GADL1: variants seen among roughly 807,000 people sequenced by gnomAD.
GADL1 encodes acidic amino acid decarboxylase GADL1.
A neutral mutation model predicts 69.5 loss-of-function variants in GADL1; 71 were observed. The ratio of observed to expected loss-of-function variants is 1.02; its 90% confidence interval spans 0.84 to 1.25. The LOEUF (loss-of-function observed/expected upper bound fraction) is 1.25. Among genes scored for constraint, GADL1 ranks in the 50% most tolerant of loss-of-function variants. The pLI is 0.00. For missense variants in GADL1, 737 were observed against 631.8 expected (o/e 1.17, Z -1.79); for synonymous variants, 254 against 214.4 (o/e 1.18, Z -1.62).
At chr3:30,785,379 T>C (rs1470620922) in intron 13 of GADL1, among the ~76,000 whole-genome samples, 1 of 122,196 alleles carries the variant, frequency 8.2e-6, no homozygotes, top group Non-Finnish European at 1.6e-5. Context: ...TAGATTTCTT[T>C]TTCTTTTTTT....
intron 11 of GADL1, among the ~76,000 whole-genome samples, chr3:30,826,052 G>T (rs1697676371): frequency 6.6e-6 from 1 of 151,870 alleles, no homozygotes; most frequent in East Asian, 1.9e-4. Flanking sequence ...GGCACAGCAT[G>T]CTTATTATGG....
At position 30,778,172 on chromosome 3, in the gene GADL1, TAC is replaced by T. The variant is rs768639197; in HGVS notation, c.1392+5_1392+6del. On this transcript the variant is annotated splice_donor_5th_base_variant and intron_variant, in intron 14 of 14. Coordinates refer to ENST00000282538, the MANE Select transcript of GADL1 (RefSeq NM_207359.3). ...AAAAAGAAAAATACCATTTACTTATTACTTACCAAATTAAGTTTTGCCCAGAA... is the reference window on the plus strand; with the variant it reads ...AAAAAGAAAAATACCATTTACTTATTTTACCAAATTAAGTTTTGCCCAGAA... The T allele has an allele frequency of 2.0e-6, 3 of 1,494,832 alleles. No homozygotes were observed. Among genetic ancestry groups the T allele is most frequent in the Non-Finnish European group, 2.8e-6 (3 of 1,079,348 alleles). The allele number at this position is 1,494,832 out of a possible 1,614,324, so 92.6% of individuals were successfully genotyped here. A position where few individuals can be genotyped will look rare whatever the true frequency, so the allele number is the denominator to read the frequency against.
chr3:30,764,002 A>C (rs1025634969), intron 14 of GADL1, among the ~76,000 whole-genome samples: 1 of 152,174 alleles, frequency 6.6e-6, no homozygotes, highest in Admixed American at 6.5e-5. Context: ...AAATATTTCT[A>C]CTAAACAAAC....
At chr3:30,741,009 T>A (rs961269334) in intron 14 of GADL1, among the ~76,000 whole-genome samples, 16 of 96,308 alleles carry the variant, frequency 1.7e-4, no homozygotes, top group South Asian at 3.6e-4. Context: ...TAATATATAT[T>A]ATATATTATA....
chr3:30,818,444 A>AT (rs751386623), intron 11 of GADL1, among the ~76,000 whole-genome samples: 16 of 152,288 alleles, frequency 1.1e-4, no homozygotes, highest in Non-Finnish European at 2.2e-4. Flanking sequence ...AAAAACTCAA[A>AT]TTGACTAGTC....
intron 1 of GADL1, among the ~76,000 whole-genome samples, chr3:30,878,853 G>T (rs1698609533): frequency 6.6e-6 from 1 of 151,928 alleles, no homozygotes; most frequent in Non-Finnish European, 1.5e-5. Flanking sequence ...TGAAAAAAAG[G>T]TAACAACATT....
At chr3:30,804,522 C>T (rs1697219268) in intron 11 of GADL1, among the ~76,000 whole-genome samples, 1 of 152,022 alleles carries the variant, frequency 6.6e-6, no homozygotes, top group Non-Finnish European at 1.5e-5. Flanking sequence ...AAAGAATCCC[C>T]CACCCCGATA....
chr3:30,891,893 G>A lies in GADL1; in HGVS notation c.37+2685C>T, dbSNP rs935962077. 1.3e-5 allele frequency among the ~76,000 whole-genome samples: 2 copies of A among 151,954 alleles called. 1 individual carries two copies. The highest frequency in any genetic ancestry group is 4.1e-4 in the South Asian group (2 of 4,822). On this transcript the variant is annotated intron_variant, in intron 1 of 14. Coordinates refer to ENST00000282538, the MANE Select transcript of GADL1 (RefSeq NM_207359.3). ...AAATACAGAAATTTTGGTCCCAAAT[G>A]TCATGATTTCAATTTTATTACAACA...
intron 12 of GADL1, among the ~76,000 whole-genome samples, chr3:30,793,449 C>T (rs1033996156): frequency 6.6e-6 from 1 of 152,042 alleles, no homozygotes; most frequent in Non-Finnish European, 1.5e-5. Context: ...GGACATAATG[C>T]AGAAACCATA....
At chr3:30,823,078 A>C in intron 11 of GADL1, among the ~76,000 whole-genome samples, 1 of 152,028 alleles carries the variant, frequency 6.6e-6, no homozygotes, top group Admixed American at 6.6e-5. Context: ...GAATCCTGGA[A>C]CAAAATATAA....
At chr3:30,862,266 A>T (rs962517011) in intron 1 of GADL1, among the ~76,000 whole-genome samples, 4 of 152,000 alleles carry the variant, frequency 2.6e-5, no homozygotes, top group Non-Finnish European at 2.9e-5. Flanking sequence ...GACAGCCGTC[A>T]CTCTACCACA....
chr3:30,785,434 G>A (rs1180032247), intron 13 of GADL1, among the ~76,000 whole-genome samples: 2 of 148,834 alleles, frequency 1.3e-5, no homozygotes, highest in African/African-American at 5.0e-5. Flanking sequence ...GCCCAGGCTG[G>A]AGTGCAATGG....
intron 11 of GADL1, among the ~76,000 whole-genome samples, chr3:30,833,383 G>A (rs984190069): frequency 2.6e-5 from 4 of 152,040 alleles, no homozygotes; most frequent in East Asian, 3.9e-4. Context: ...ATTAGTGTTC[G>A]AAGATCAGCC....
chr3:30,885,932 C>G (rs1698698391), intron 1 of GADL1, among the ~76,000 whole-genome samples: 1 of 151,728 alleles, frequency 6.6e-6, no homozygotes. Context: ...ATATTTATTT[C>G]TAAGCAATTT....
At chr3:30,783,434 G>GA (rs1366875234) in intron 13 of GADL1, among the ~76,000 whole-genome samples, 2 of 144,684 alleles carry the variant, frequency 1.4e-5, no homozygotes, top group Non-Finnish European at 3.1e-5. Flanking sequence ...TTCTTTCCAG[G>GA]AAAAAATACT....
intron 11 of GADL1, among the ~76,000 whole-genome samples, chr3:30,816,269 C>T (rs1271215697): frequency 6.6e-6 from 1 of 152,050 alleles, no homozygotes; most frequent in African/African-American, 2.4e-5. Flanking sequence ...TGAGCCTCAA[C>T]TGTTTCATGA....
At chr3:30,819,725 G>A (rs1697537370) in intron 11 of GADL1, among the ~76,000 whole-genome samples, 1 of 151,860 alleles carries the variant, frequency 6.6e-6, no homozygotes, top group Non-Finnish European at 1.5e-5. Flanking sequence ...GGAAAGAAAA[G>A]TAATTGGAAA....
At chr3:30,758,219 A>G (rs954102755) in intron 14 of GADL1, among the ~76,000 whole-genome samples, 2 of 151,978 alleles carry the variant, frequency 1.3e-5, no homozygotes, top group African/African-American at 2.4e-5. Flanking sequence ...TCTGCCAAGT[A>G]CTATCCACAT....
At chr3:30,833,732 C>T in intron 11 of GADL1, 121 bp downstream of exon 11, 1 of 673,314 alleles carries the variant, frequency 1.5e-6, no homozygotes, top group Non-Finnish European at 2.7e-6. Context: ...CAACACATTT[C>T]CCAAACACCT....
Sources: allele counts gnomAD v4.1 joint callset (sites outside exome capture counted in the v4.1 genomes callset), GRCh38; gene constraint gnomAD v4.1.1; transcripts MANE v1.5; gene names NCBI Gene and HGNC (gene_info 2026-07-23, HGNC 2026-07-21).